The following AGBL1 variants were observed in gnomAD, a reference collection of about 807,000 sequenced individuals.
The protein encoded by AGBL1 is AGBL carboxypeptidase 1, also known as cytosolic carboxypeptidase 4.
AGBL1 carries 130 observed loss-of-function variants against 118.9 expected under a neutral mutation model. The ratio of observed to expected loss-of-function variants is 1.09; its 90% confidence interval spans 0.95 to 1.26. The LOEUF is 1.26. Ranked by LOEUF, AGBL1 falls within the 50% of genes most tolerant of loss-of-function variation. The pLI, the probability that AGBL1 is intolerant of heterozygous loss-of-function variation, is 0.00. For synonymous variants in AGBL1, 555 were observed against 478.9 expected (o/e 1.16, Z -2.08); for missense variants, 1,584 against 1,298.1 (o/e 1.22, Z -3.38).
At chr15:86,844,421 G>T (rs1373995994) in intron 22 of AGBL1, among the ~76,000 whole-genome samples, 1 of 152,066 alleles carries the variant, frequency 6.6e-6, no homozygotes, top group Non-Finnish European at 1.5e-5. Context: ...TTGTATAGTG[G>T]TATCACCTTG....
At chr15:86,736,334 C>T (rs1021856899) in intron 22 of AGBL1, among the ~76,000 whole-genome samples, 2 of 151,582 alleles carry the variant, frequency 1.3e-5, no homozygotes, top group Admixed American at 6.6e-5. Flanking sequence ...GAGCTGAGAT[C>T]GTGCCACTGC....
chr15:86,833,773 A>G (rs2079137447), intron 22 of AGBL1, among the ~76,000 whole-genome samples: 1 of 152,184 alleles, frequency 6.6e-6, no homozygotes, highest in African/African-American at 2.4e-5. Context: ...AGAATCAACA[A>G]GAGTACATAG....
At chr15:86,399,441 G>T (rs2081413034) in intron 18 of AGBL1, among the ~76,000 whole-genome samples, 1 of 152,128 alleles carries the variant, frequency 6.6e-6, no homozygotes, top group Admixed American at 6.5e-5. Flanking sequence ...CGCTGGAATT[G>T]TCTGAGGTCC....
rs147092947 is a variant in AGBL1, at chr15:86,085,494, C to G, written c.51+5471C>G. Among the ~76,000 whole-genome samples the G allele has an allele frequency of 2.5e-4, 38 of 152,270 alleles. No homozygotes were observed. The East Asian group carries it at 7.1e-3, about 29-fold the overall frequency. ...AGTGGTGGAGTTGCAAGACAGTCAA[C>G]CAAGGTGATAATTGCAGAGCTCTTT... On this transcript the variant is annotated intron_variant, in intron 1 of 22. Coordinates refer to ENST00000614907, the MANE Select transcript of AGBL1 (RefSeq NM_001386094.1).
intron 1 of AGBL1, among the ~76,000 whole-genome samples, chr15:86,124,347 ACAAAG>A: frequency 6.9e-6 from 1 of 145,898 alleles, no homozygotes; most frequent in African/African-American, 2.5e-5. Flanking sequence ...AAAAAAAAAA[ACAAAG>A]AAAACCCCCA....
At chr15:86,424,490 T>A (rs1182487452) in intron 18 of AGBL1, among the ~76,000 whole-genome samples, 1 of 152,160 alleles carries the variant, frequency 6.6e-6, no homozygotes, top group South Asian at 2.1e-4. Flanking sequence ...AAAGACTTTG[T>A]GACTAAAACA....
chr15:86,626,882 G>A (rs1218477671), intron 21 of AGBL1, among the ~76,000 whole-genome samples: 1 of 146,212 alleles, frequency 6.8e-6, no homozygotes, highest in Non-Finnish European at 1.5e-5. Context: ...CTGTCCCCCA[G>A]GTTGGAGTGC....
intron 24 of AGBL1, among the ~76,000 whole-genome samples, chr15:87,016,861 C>T (rs188567913): frequency 6.6e-6 from 1 of 152,272 alleles, no homozygotes; most frequent in East Asian, 1.9e-4. Context: ...TAAGCCCATA[C>T]CACCAAGGCC....
chr15:86,769,415 C>A (rs1190937817), intron 22 of AGBL1, among the ~76,000 whole-genome samples: 1 of 151,912 alleles, frequency 6.6e-6, no homozygotes, highest in Non-Finnish European at 1.5e-5. Flanking sequence ...TGCCTTTGCT[C>A]AGAGGACCGA....
chr15:86,747,009 T>A (rs905604867), intron 22 of AGBL1, among the ~76,000 whole-genome samples: 3 of 152,064 alleles, frequency 2.0e-5, no homozygotes, highest in African/African-American at 4.8e-5. Context: ...TTAAGTGGCA[T>A]GCTCATTTCC....
chr15:86,811,895 A>G (rs767736563), intron 22 of AGBL1, among the ~76,000 whole-genome samples: 1 of 152,218 alleles, frequency 6.6e-6, no homozygotes, highest in Non-Finnish European at 1.5e-5. Context: ...ACATTAATTC[A>G]TTTTAACTGG....
chr15:86,605,760 T>TGTGTGTATGTGTGTGTGCA (rs1225652909), intron 21 of AGBL1, among the ~76,000 whole-genome samples: 3 of 151,400 alleles, frequency 2.0e-5, no homozygotes, highest in Non-Finnish European at 4.4e-5. Context: ...TGTGAGTGTG[T>TGTGTGTATGTGTGTGTGCA]GTGTGTGTAT....
chr15:86,809,521 C>T (rs1173898220), intron 22 of AGBL1, among the ~76,000 whole-genome samples: 1 of 152,146 alleles, frequency 6.6e-6, no homozygotes, highest in South Asian at 2.1e-4. Flanking sequence ...ACACGATTTG[C>T]TATACTAGCC....
chr15:86,086,787 C>T (rs1895686623), intron 1 of AGBL1, among the ~76,000 whole-genome samples: 1 of 152,050 alleles, frequency 6.6e-6, no homozygotes, highest in African/African-American at 2.4e-5. Flanking sequence ...TTCATGTTGC[C>T]ATATATTGTT....
chr15:86,684,420 T>C (rs1367055652), intron 22 of AGBL1, among the ~76,000 whole-genome samples: 1 of 151,924 alleles, frequency 6.6e-6, no homozygotes, highest in Non-Finnish European at 1.5e-5. Context: ...CCTGTAAATT[T>C]CCATGAAGTC....
chr15:86,412,577 G>A (rs2081637875), intron 18 of AGBL1, among the ~76,000 whole-genome samples: 2 of 152,172 alleles, frequency 1.3e-5, no homozygotes, highest in African/African-American at 4.8e-5. Flanking sequence ...GTGCAGCATA[G>A]TGGCTTTCCC....
chr15:86,840,424 A>G (rs2079228818), intron 22 of AGBL1, among the ~76,000 whole-genome samples: 1 of 152,082 alleles, frequency 6.6e-6, no homozygotes, highest in Admixed American at 6.5e-5. Context: ...CTCTGTCCAA[A>G]TGCATGTTCT....
chr15:86,679,689 T>A (rs922232063), intron 22 of AGBL1, among the ~76,000 whole-genome samples: 32 of 152,114 alleles, frequency 2.1e-4, no homozygotes, highest in African/African-American at 7.0e-4. Context: ...GGCTCTTGGT[T>A]TGATATTAAT....
chr15:86,631,388 TA>T (rs937199665), intron 21 of AGBL1, among the ~76,000 whole-genome samples: 3 of 152,152 alleles, frequency 2.0e-5, no homozygotes, highest in Non-Finnish European at 4.4e-5. Context: ...GCAACAGTCT[TA>T]AGGGGTCAGT....
Sources: gnomAD v4.1 joint callset for allele counts (sites outside exome capture counted in the v4.1 genomes callset) on GRCh38, gnomAD v4.1.1 for gene constraint, MANE v1.5 for transcripts, NCBI Gene and HGNC (gene_info 2026-07-23, HGNC 2026-07-21) for gene names.